Variants in DECR1 observed in about 807,000 individuals in gnomAD.
DECR1 encodes the protein 2,4-dienoyl-CoA reductase 1.
Under a neutral mutation model 38.8 loss-of-function variants are expected in DECR1, and 44 were observed. That is an observed-to-expected ratio of 1.13 (90% CI 0.89 to 1.46). The LOEUF (loss-of-function observed/expected upper bound fraction) is 1.46, where lower values mean the gene tolerates loss of function less well. DECR1 is among the 40% of genes most tolerant of loss of function. The probability of loss-of-function intolerance (pLI) is 0.00; values close to 1 mark genes in which losing one functional copy is unlikely to be tolerated. For missense variants in DECR1, 428 were observed against 405.5 expected (o/e 1.06, Z -0.48); for synonymous variants, 148 against 135.2 (o/e 1.09, Z -0.66).
At chr8:90,024,893 T>C (rs1813288804) in intron 5 of DECR1, among the ~76,000 whole-genome samples, 1 of 152,242 alleles carries the variant, frequency 6.6e-6, no homozygotes, top group Non-Finnish European at 1.5e-5. Context: ...AATAAATTTT[T>C]GTATAAGGAG....
rs1467742696 is a variant in DECR1 at position 90,042,760 on chromosome 8, T to C, written c.698T>C (p.Met233Thr). 1.9e-6 allele frequency: 3 copies of C among 1,613,646 alleles called. No individual in the cohort carries two copies. ...GCAGCTGAATGGGGTAAATATGGAA[T>C]GCGATTCAATGTGATTCAACCAGGG... ...SLAAEWGKYG[M>T]RFNVIQPGPI... The change falls in exon 7 of 10, where the codon ATG becomes ACG. Residue 233 changes from methionine to threonine, a missense_variant. Coordinates refer to ENST00000220764, the MANE Select transcript of DECR1 (RefSeq NM_001359.2).
rs755011769 is a variant in DECR1, at chr8:90,051,889, G to A, written c.1000G>A (p.Gly334Ser). The A allele has an allele frequency of 1.4e-5, 22 of 1,613,676 alleles. No homozygotes were observed. The highest frequency in any genetic ancestry group is 1.9e-5 in the Non-Finnish European group (22 of 1,179,812). ...AGAAGAACTCATCAGGAAGACAAAA[G>A]GTTCCTAAGACCACTTTGGCCTTCA... is the stretch of plus-strand genomic sequence containing the variant. ...TIEELIRKTK[G>S]S is the part of the protein sequence containing the mutation. Residue 334 changes from glycine to serine, a missense_variant, in exon 10 of 10, where the codon GGT becomes AGT. Coordinates refer to ENST00000220764, the MANE Select transcript of DECR1 (RefSeq NM_001359.2).
intron 8 of DECR1, among the ~76,000 whole-genome samples, chr8:90,050,693 T>C (rs1814055632): frequency 6.6e-6 from 1 of 152,216 alleles, no homozygotes; most frequent in South Asian, 2.1e-4. Flanking sequence ...GAAAGAATTA[T>C]AAATCATGGT....
chr8:90,027,774 TA>T (rs76089922), intron 5 of DECR1, among the ~76,000 whole-genome samples: 10 of 150,968 alleles, frequency 6.6e-5, no homozygotes, highest in Admixed American at 2.0e-4. Context: ...GTTTTTTTTT[TA>T]AAAAAAAATC....
At chr8:90,040,253 C>T (rs1813722164) in intron 6 of DECR1, among the ~76,000 whole-genome samples, 2 of 152,136 alleles carry the variant, frequency 1.3e-5, no homozygotes, top group Admixed American at 1.3e-4. Flanking sequence ...TGGCAATGAA[C>T]TTTGTCAAAA....
chr8:90,027,058 G>C (rs926345294), intron 5 of DECR1, among the ~76,000 whole-genome samples: 1 of 152,070 alleles, frequency 6.6e-6, no homozygotes, highest in Admixed American at 6.6e-5. Context: ...AACCTGAGTT[G>C]TCGTTTGATT....
chr8:90,051,954 T>A lies in DECR1; in HGVS notation c.*57T>A. On this transcript the variant is annotated 3_prime_UTR_variant, in exon 10 of 10. Coordinates refer to ENST00000220764, the MANE Select transcript of DECR1 (RefSeq NM_001359.2). ...AAGGGAATAGAAATGAAACAAATTA[T>A]CTCTCATCTTTTGACTATTTCAAGT... is the stretch of plus-strand genomic sequence containing the variant. 2 of 1,428,516 alleles carry A rather than the reference T, an allele frequency of 1.4e-6. No individual in the cohort carries two copies. Among genetic ancestry groups the A allele is most frequent in the Non-Finnish European group, 2.0e-6 (2 of 1,016,686 alleles). 88.5% of individuals were successfully genotyped at this position (1,428,516 alleles called of 1,614,324 possible). A position where few individuals can be genotyped will look rare whatever the true frequency, so the allele number is the denominator to read the frequency against.
At chr8:90,026,289 G>C (rs776861800) in intron 5 of DECR1, among the ~76,000 whole-genome samples, 6 of 152,210 alleles carry the variant, frequency 3.9e-5, no homozygotes, top group Non-Finnish European at 7.3e-5. Context: ...AATAATTTCA[G>C]AAGGAATGGT....
chr8:90,025,008 G>C (rs182357748), intron 5 of DECR1, among the ~76,000 whole-genome samples: 397 of 152,208 alleles, frequency 2.6e-3, no homozygotes, highest in African/African-American at 8.9e-3. Flanking sequence ...TTTTTGTCAG[G>C]TTTGTCAAAG....
intron 1 of DECR1, among the ~76,000 whole-genome samples, chr8:90,013,591 C>A (rs1163544062): frequency 6.6e-6 from 1 of 151,804 alleles, no homozygotes; most frequent in Non-Finnish European, 1.5e-5. Context: ...AGGGGGCAGT[C>A]GTAGTTGTAC....
chr8:90,022,708 A>G (rs1813195243), intron 5 of DECR1, among the ~76,000 whole-genome samples: 2 of 150,796 alleles, frequency 1.3e-5, no homozygotes, highest in Non-Finnish European at 3.0e-5. Flanking sequence ...TCAGCTCCTC[A>G]TTTTTGGTTC....
chr8:90,044,935 A>G lies in DECR1; in HGVS notation c.825A>G (p.Glu275=), dbSNP rs1218152587. The G allele has an allele frequency of 1.9e-6, 3 of 1,613,888 alleles. No homozygotes were observed. The highest frequency in any genetic ancestry group is 2.5e-6 in the Non-Finnish European group (3 of 1,179,914). ...RIPCGRLGTV[E]ELANLAAFLC... is the part of the protein sequence containing the mutation. ...CCTGTGGTCGCCTGGGGACTGTAGA[A>G]GAACTCGCAAATCTTGCTGCTTTCC... Residue 275 remains glutamate (E), a synonymous_variant, in exon 8 of 10, where the codon GAA becomes GAG. Coordinates refer to ENST00000220764, the MANE Select transcript of DECR1 (RefSeq NM_001359.2).
At chr8:90,005,632 A>AAGGCAGCTGGCT in intron 1 of DECR1, 1 of 363,124 alleles carries the variant, frequency 2.8e-6, no homozygotes, top group Non-Finnish European at 5.4e-6. Context: ...AACTGTTCAT[A>AAGGCAGCTGGCT]CCCAACGATC....
At chr8:90,025,778 G>C (rs1236626308) in intron 5 of DECR1, among the ~76,000 whole-genome samples, 2 of 152,146 alleles carry the variant, frequency 1.3e-5, no homozygotes, top group African/African-American at 2.4e-5. Context: ...AGTGGTGAGA[G>C]AGGGCATCCC....
At chr8:90,042,530 GC>G (rs1374539207) in intron 6 of DECR1, 197 bp from the exon 7 acceptor site, 3 of 578,154 alleles carry the variant, frequency 5.2e-6, no homozygotes, top group Non-Finnish European at 9.3e-6. Context: ...TGACAAATTG[GC>G]CATATGACAT....
intron 1 of DECR1, among the ~76,000 whole-genome samples, chr8:90,012,448 C>T (rs560737827): frequency 6.6e-6 from 1 of 152,160 alleles, no homozygotes; most frequent in South Asian, 2.1e-4. Flanking sequence ...CTACCGTGCC[C>T]GGCCTGATGA....
At chr8:90,031,500 A>C (rs1813493672) in intron 5 of DECR1, among the ~76,000 whole-genome samples, 1 of 152,154 alleles carries the variant, frequency 6.6e-6, no homozygotes, top group Non-Finnish European at 1.5e-5. Context: ...ATTTATATTA[A>C]ATGTTTAAAT....
chr8:90,001,587 C>T (rs749544410), intron 1 of DECR1, 26 bp downstream of exon 1: 2 of 1,603,584 alleles, frequency 1.2e-6, no homozygotes, highest in East Asian at 4.5e-5. Flanking sequence ...GCGCGGGGAG[C>T]GAGGACAGGG....
At position 90,004,726 on chromosome 8, in the gene DECR1, C is replaced by T. The variant is rs143689070; in HGVS notation, c.69+3165C>T. 2.0e-4 allele frequency among the ~76,000 whole-genome samples: 31 copies of T among 152,232 alleles called. 1 individual carries two copies. The East Asian group carries it at 5.4e-3, about 27-fold the overall frequency. On this transcript the variant is annotated intron_variant, in intron 1 of 9. Transcript: ENST00000220764. ...TTCTGGAATATAAGCTCTATGCAGG[C>T]AAAGATTTTCAACTGTTTTGTCCAC...
Sources: allele counts gnomAD v4.1 joint callset (sites outside exome capture counted in the v4.1 genomes callset), GRCh38; gene constraint gnomAD v4.1.1; transcripts MANE v1.5; gene names NCBI Gene and HGNC (gene_info 2026-07-23, HGNC 2026-07-21).